Variants in CD82 observed in about 807,000 individuals in gnomAD.
CD82 encodes CD82 antigen.
A neutral mutation model predicts 37.4 loss-of-function variants in CD82; 36 were observed. That is an observed-to-expected ratio of 0.96 (90% CI 0.74 to 1.27). CD82 has a LOEUF of 1.27. CD82 is among the 50% of genes most tolerant of loss of function. The pLI is 0.00. For synonymous variants in CD82, 158 were observed against 137.4 expected (o/e 1.15, Z -1.05); for missense variants, 340 against 347.0 (o/e 0.98, Z 0.16).
rs149399263 is a variant in CD82 at position 44,571,479 on chromosome 11, T to C, written c.-103+5743T>C. On this transcript the variant is annotated intron_variant, in intron 1 of 9. Transcript: ENST00000227155. ...CTCATCTCATAGGGTTGTTTGAGAA[T>C]GATATATGAGCTAATGCATATGAAG... Among the ~76,000 whole-genome samples, 381 of 152,352 alleles carry C rather than the reference T, an allele frequency of 2.5e-3. 3 individuals carry two copies. Among genetic ancestry groups the C allele is most frequent in the African/African-American group, 8.8e-3 (367 of 41,580 alleles).
rs1030700449 is a variant in CD82, at chr11:44,619,876, T to C, written c.*750T>C. 12 of 151,812 alleles carry C rather than the reference T, an allele frequency of 7.9e-5. No individual in the cohort carries two copies. The highest frequency in any genetic ancestry group is 1.5e-4 in the Non-Finnish European group (10 of 67,986). The allele number at this position is 151,812 out of a possible 1,614,324, so 9.4% of individuals were successfully genotyped here. A position where few individuals can be genotyped will look rare whatever the true frequency, so the allele number is the denominator to read the frequency against. On this transcript the variant is annotated 3_prime_UTR_variant, in exon 10 of 10. Coordinates refer to ENST00000227155, the MANE Select transcript of CD82 (RefSeq NM_002231.4). Reference sequence around the variant, plus strand: ...GGTCAACTTATTTCCCACTATGACATTTATATCTTTATTTTTCACAATTAT... The same window carrying C: ...GGTCAACTTATTTCCCACTATGACACTTATATCTTTATTTTTCACAATTAT...
intron 3 of CD82, 85 bp downstream of exon 3, chr11:44,594,810 C>G: frequency 8.7e-7 from 1 of 1,149,238 alleles, no homozygotes; most frequent in Non-Finnish European, 1.3e-6. Context: ...CCAGAGCCGA[C>G]CGGGCCGGGG....
rs1265414837 is a variant in CD82, at chr11:44,605,148, G to GCGCC, written c.228_231dup (p.Val78ArgfsTer47). The GCGCC allele has an allele frequency of 6.2e-7, 1 of 1,614,186 alleles. No individual in the cohort carries two copies. Among genetic ancestry groups the GCGCC allele is most frequent in the South Asian group, 1.1e-5 (1 of 91,090 alleles). On this transcript the variant is annotated frameshift_variant, in exon 5 of 10. Transcript: ENST00000227155. LOFTEE classifies it high-confidence loss of function. ...CTCATGGGCTTCCTGGGCTGCATCG[G>GCGCC]CGCCGTCAACGAGGTCCGCTGCCTG... is the stretch of plus-strand genomic sequence containing the variant.
intron 3 of CD82, 90 bp downstream of exon 3, chr11:44,594,815 C>A: frequency 9.1e-7 from 1 of 1,100,296 alleles, no homozygotes; most frequent in Non-Finnish European, 1.4e-6. Flanking sequence ...GCCGACCGGG[C>A]CGGGGATTGG....
At chr11:44,604,694 A>G (rs1370854491) in intron 4 of CD82, 5 of 321,212 alleles carry the variant, frequency 1.6e-5, no homozygotes, top group Middle Eastern at 1.1e-3. Flanking sequence ...GTTCCCCAGG[A>G]ATAAAGTGAA....
intron 1 of CD82, among the ~76,000 whole-genome samples, chr11:44,584,939 C>G (rs1354554275): frequency 6.6e-6 from 1 of 152,208 alleles, no homozygotes; most frequent in Non-Finnish European, 1.5e-5. Flanking sequence ...GGGCTGGCAT[C>G]CAGGGCACAA....
intron 1 of CD82, 118 bp downstream of exon 1, chr11:44,565,854 G>A (rs1344695649): frequency 6.6e-6 from 1 of 152,272 alleles, no homozygotes; most frequent in African/African-American, 2.4e-5. Context: ...GTGACAGGTC[G>A]GGGCAGCTGG....
intron 1 of CD82, among the ~76,000 whole-genome samples, chr11:44,575,883 G>A (rs1000841488): frequency 6.6e-6 from 1 of 152,208 alleles, no homozygotes. Context: ...GTGACATGCT[G>A]TGTCTAAGGA....
At chr11:44,601,857 C>T (rs1193305491) in intron 4 of CD82, among the ~76,000 whole-genome samples, 1 of 152,186 alleles carries the variant, frequency 6.6e-6, no homozygotes, top group Non-Finnish European at 1.5e-5. Context: ...AGCCAGGGTT[C>T]AGAAACACTG....
chr11:44,565,811 G>C (rs1016033547), intron 1 of CD82, 75 bp downstream of exon 1: 1 of 152,304 alleles, frequency 6.6e-6, no homozygotes, highest in Admixed American at 6.5e-5. Flanking sequence ...CCCCGCTTCT[G>C]CGGTCCGGCT....
At chr11:44,605,229 AGCCGAGT>A (rs767728254) in intron 5 of CD82, 47 bp downstream of exon 5, 3 of 1,607,028 alleles carry the variant, frequency 1.9e-6, no homozygotes, top group Non-Finnish European at 2.6e-6. Context: ...CCTCTCATCC[AGCCGAGT>A]GCAGCCTGAC....
chr11:44,610,831 C>CTT (rs113238043), intron 6 of CD82, among the ~76,000 whole-genome samples: 90 of 150,214 alleles, frequency 6.0e-4, no homozygotes, highest in African/African-American at 2.1e-3. Flanking sequence ...TATTGAAATT[C>CTT]TTTTTTTTTT....
intron 1 of CD82, among the ~76,000 whole-genome samples, chr11:44,586,299 A>T (rs10838310): frequency 0.066 from 10,000 of 152,000 alleles, 411 homozygotes; most frequent in Middle Eastern, 0.15. Context: ...GGCAGAAAAA[A>T]CCTTGGCCCT....
At chr11:44,568,545 T>G (rs539662019) in intron 1 of CD82, among the ~76,000 whole-genome samples, 1 of 150,856 alleles carries the variant, frequency 6.6e-6, no homozygotes, top group South Asian at 2.1e-4. Flanking sequence ...TTAGAAGAAG[T>G]GCCTGCTGAT....
rs949246206 is a variant in CD82, at chr11:44,571,991, G to A, written c.-103+6255G>A. ...TTACTTGCTGTGTTATCTTGGGTAA[G>A]TTATAGCCCTTCTTGGGCTACAAAA... On this transcript the variant is annotated intron_variant, in intron 1 of 9. Coordinates refer to ENST00000227155, the MANE Select transcript of CD82 (RefSeq NM_002231.4). Among the ~76,000 whole-genome samples, 4 of 152,336 alleles carry A rather than the reference G, an allele frequency of 2.6e-5. No homozygotes were observed. The East Asian group carries it at 7.7e-4, about 29-fold the overall frequency.
intron 3 of CD82, among the ~76,000 whole-genome samples, chr11:44,595,847 A>T (rs1184570971): frequency 1.6e-5 from 2 of 122,780 alleles, no homozygotes; most frequent in Non-Finnish European, 3.2e-5. Flanking sequence ...AGGCAGGAGG[A>T]TTGTTTGAGT....
intron 1 of CD82, among the ~76,000 whole-genome samples, chr11:44,580,620 G>C (rs1426952668): frequency 6.6e-6 from 1 of 152,168 alleles, no homozygotes; most frequent in Non-Finnish European, 1.5e-5. Flanking sequence ...GGCTGAGGCA[G>C]GAGAGTCTCT....
At chr11:44,588,274 A>T (rs1210305513) in intron 2 of CD82, among the ~76,000 whole-genome samples, 1 of 148,952 alleles carries the variant, frequency 6.7e-6, no homozygotes, top group African/African-American at 2.5e-5. Context: ...CCCAGGCTGG[A>T]GTGCAGAGGT....
Position 44,597,004 on chromosome 11 carries a change from T to C in CD82, c.63+2279T>C. On this transcript the variant is annotated intron_variant, in intron 3 of 9. Coordinates refer to ENST00000227155, the MANE Select transcript of CD82 (RefSeq NM_002231.4). This position sits in a 1 kb window ranked among gnomAD's most constrained non-coding sequence, Gnocchi z 4.1. ...GGCTTCCTGGGGTTCTGGGTGTGGCTTTGGAGAGGGGGATCCTGGCAGCAG... is the reference window on the plus strand; with the variant it reads ...GGCTTCCTGGGGTTCTGGGTGTGGCCTTGGAGAGGGGGATCCTGGCAGCAG... The C allele has an allele frequency of 2.2e-6, 1 of 456,086 alleles. No individual in the cohort carries two copies. Among genetic ancestry groups the C allele is most frequent in the South Asian group, 1.5e-5 (1 of 64,558 alleles). The allele number at this position is 456,086 out of a possible 1,614,324, so 28.3% of individuals were successfully genotyped here. A position where few individuals can be genotyped will look rare whatever the true frequency, so the allele number is the denominator to read the frequency against.
Sources: gnomAD v4.1 joint callset for allele counts (sites outside exome capture counted in the v4.1 genomes callset) on GRCh38, gnomAD v4.1.1 for gene constraint, Gnocchi (gnomAD v3.1) non-coding constraint, MANE v1.5 for transcripts, NCBI Gene and HGNC (gene_info 2026-07-23, HGNC 2026-07-21) for gene names.